Variants in TEAD1 observed in about 807,000 individuals in gnomAD.
The protein encoded by TEAD1 is transcriptional enhancer factor TEF-1.
In TEAD1, 9 loss-of-function variants were observed where a neutral mutation model predicts 54.9. That is an observed-to-expected ratio of 0.16 (90% CI 0.10 to 0.29). TEAD1 has a LOEUF of 0.29. Among genes scored for constraint, TEAD1 ranks in the 10% least tolerant of loss-of-function variants. The pLI is 1.00. For missense variants in TEAD1, 387 were observed against 535.9 expected (o/e 0.72, Z 2.74); for synonymous variants, 200 against 187.8 (o/e 1.07, Z -0.53).
At chr11:12,874,507 C>T (rs1233860280) in intron 5 of TEAD1, among the ~76,000 whole-genome samples, 1 of 152,224 alleles carries the variant, frequency 6.6e-6, no homozygotes, top group Non-Finnish European at 1.5e-5. Flanking sequence ...TAGCCTTGCT[C>T]TCCTTCATGA....
chr11:12,818,015 G>T (rs1014888591), intron 3 of TEAD1, among the ~76,000 whole-genome samples: 6 of 152,240 alleles, frequency 3.9e-5, no homozygotes, highest in African/African-American at 9.6e-5. Context: ...AAACACTGCA[G>T]ATTCTGTCTT....
chr11:12,843,109 A>G (rs561893988), intron 3 of TEAD1, among the ~76,000 whole-genome samples: 13 of 152,288 alleles, frequency 8.5e-5, no homozygotes, highest in Non-Finnish European at 1.8e-4. Context: ...CCTTTAAGTC[A>G]TCCATCATGC....
intron 2 of TEAD1, among the ~76,000 whole-genome samples, chr11:12,760,027 G>A (rs1237485146): frequency 6.6e-6 from 1 of 152,220 alleles, no homozygotes; most frequent in Non-Finnish European, 1.5e-5. Context: ...AAATAAAGGT[G>A]TTGTCACCAA....
At chr11:12,712,252 AG>A (rs1194053368) in intron 2 of TEAD1, among the ~76,000 whole-genome samples, 1 of 152,140 alleles carries the variant, frequency 6.6e-6, no homozygotes, top group Non-Finnish European at 1.5e-5. Context: ...CACTGTTCTT[AG>A]TACTCAGGAT....
At chr11:12,685,606 A>T (rs1242105412) in intron 2 of TEAD1, among the ~76,000 whole-genome samples, 1 of 152,230 alleles carries the variant, frequency 6.6e-6, no homozygotes, top group South Asian at 2.1e-4. Flanking sequence ...CCAGGAAAAA[A>T]CATATAGTTC....
intron 2 of TEAD1, among the ~76,000 whole-genome samples, chr11:12,706,152 C>T (rs1305107921): frequency 2.0e-5 from 3 of 152,160 alleles, no homozygotes; most frequent in Non-Finnish European, 4.4e-5. Context: ...GAGCCTGGCA[C>T]CAAGTATCTG....
At chr11:12,706,366 C>T (rs980568654) in intron 2 of TEAD1, among the ~76,000 whole-genome samples, 9 of 152,128 alleles carry the variant, frequency 5.9e-5, no homozygotes, top group African/African-American at 2.2e-4. Context: ...CCTGAAGCTG[C>T]AAGTGAAAGG....
At chr11:12,911,781 C>T (rs1244042006) in intron 10 of TEAD1, among the ~76,000 whole-genome samples, 1 of 148,668 alleles carries the variant, frequency 6.7e-6, no homozygotes, top group Non-Finnish European at 1.5e-5. Flanking sequence ...GGTTTGTTTT[C>T]GTAAGAAAAA....
At position 12,879,686 on chromosome 11, in the gene TEAD1, G is replaced by T. The variant is rs766996924; in HGVS notation, c.331-22G>T. 3.2e-5 allele frequency: 51 copies of T among 1,613,972 alleles called. No homozygotes were observed. In the South Asian group the frequency reaches 3.8e-4, roughly 12 times the overall value. ...TAGCCATGCGTTATGTATTAAGTTG[G>T]TGTGTCACTGTCACCTTCAAGGATC... On this transcript the variant is annotated intron_variant, in intron 5 of 12. Transcript: ENST00000527636.
At chr11:12,787,900 A>G (rs1195618012) in intron 3 of TEAD1, among the ~76,000 whole-genome samples, 1 of 152,016 alleles carries the variant, frequency 6.6e-6, no homozygotes, top group Non-Finnish European at 1.5e-5. Context: ...TGAGTGGCAA[A>G]TATTTTCTAG....
At chr11:12,702,008 C>T (rs1225368756) in intron 2 of TEAD1, among the ~76,000 whole-genome samples, 1 of 152,190 alleles carries the variant, frequency 6.6e-6, no homozygotes, top group Non-Finnish European at 1.5e-5. Context: ...CTTGTCTCAT[C>T]CCCAGCCCTC....
At chr11:12,864,297 A>C (rs1017667572) in intron 4 of TEAD1, among the ~76,000 whole-genome samples, 1 of 152,216 alleles carries the variant, frequency 6.6e-6, no homozygotes, top group Admixed American at 6.5e-5. Context: ...CTGAGAAGCT[A>C]TAAATATTTT....
In TEAD1 at chr11:12,881,968, C is replaced by G. The variant is rs1169273580; in HGVS notation, c.574+11C>G. The G allele has an allele frequency of 6.2e-7, 1 of 1,613,940 alleles. No individual in the cohort carries two copies. Among genetic ancestry groups the G allele is most frequent in the African/African-American group, 1.3e-5 (1 of 74,926 alleles). On this transcript the variant is annotated intron_variant, in intron 8 of 12. Transcript: ENST00000527636. ...CAGCCCCCATTCCAGGTGAGTGTCC[C>G]TGAAACTCCTTTTTGGGAGCACAGC...
intron 9 of TEAD1, among the ~76,000 whole-genome samples, chr11:12,883,950 G>A (rs776929023): frequency 6.0e-5 from 9 of 150,148 alleles, no homozygotes; most frequent in Non-Finnish European, 1.0e-4. Flanking sequence ...AGCCAAGATC[G>A]CGCCACTGCA....
intron 3 of TEAD1, among the ~76,000 whole-genome samples, chr11:12,817,547 C>T (rs886587365): frequency 6.6e-6 from 1 of 152,110 alleles, no homozygotes; most frequent in African/African-American, 2.4e-5. Context: ...CAAAATTTGT[C>T]GACTTCATCA....
chr11:12,930,158 C>T lies in TEAD1; in HGVS notation c.1015-16C>T, dbSNP rs368763579. ...GTCAAAAGTGTAAAAATACTGAAATCCTTTTTTCCTCACAGACGGAGTATG... is the reference window on the plus strand; with the variant it reads ...GTCAAAAGTGTAAAAATACTGAAATTCTTTTTTCCTCACAGACGGAGTATG... On this transcript the variant is annotated splice_polypyrimidine_tract_variant and intron_variant, in intron 11 of 12. Coordinates refer to ENST00000527636, the MANE Select transcript of TEAD1 (RefSeq NM_021961.6). The T allele has an allele frequency of 5.6e-5, 90 of 1,613,994 alleles. No homozygotes were observed. In the East Asian group the frequency reaches 8.2e-4, roughly 15 times the overall value.
intron 10 of TEAD1, among the ~76,000 whole-genome samples, chr11:12,905,327 G>A (rs1307800382): frequency 6.6e-6 from 1 of 152,140 alleles, no homozygotes; most frequent in Non-Finnish European, 1.5e-5. Flanking sequence ...GAGTATGGTA[G>A]CTGTTGGGAG....
chr11:12,851,149 T>A (rs1015520372), intron 3 of TEAD1: 29 of 924,758 alleles, frequency 3.1e-5, no homozygotes, highest in Non-Finnish European at 3.7e-5. Flanking sequence ...AAAAACTATT[T>A]CATGATCTCA....
chr11:12,929,549 G>A (rs953496919), intron 11 of TEAD1, among the ~76,000 whole-genome samples: 3 of 151,202 alleles, frequency 2.0e-5, no homozygotes, highest in East Asian at 1.9e-4. Flanking sequence ...TGGCTGATAC[G>A]TTTTGATGTA....
Sources: allele counts gnomAD v4.1 joint callset (sites outside exome capture counted in the v4.1 genomes callset), GRCh38; gene constraint gnomAD v4.1.1; transcripts MANE v1.5; gene names NCBI Gene and HGNC (gene_info 2026-07-23, HGNC 2026-07-21).